Variants in F13A1 observed in about 807,000 individuals in gnomAD.
The protein encoded by F13A1 is coagulation factor XIII A chain.
Under a neutral mutation model 80.1 loss-of-function variants are expected in F13A1, and 47 were observed. The ratio of observed to expected loss-of-function variants is 0.59; its 90% confidence interval spans 0.46 to 0.75. The LOEUF is 0.75. Ranked by LOEUF, F13A1 falls within the 30% of genes least tolerant of loss-of-function variation. The pLI, the probability that F13A1 is intolerant of heterozygous loss-of-function variation, is 0.00. For missense variants in F13A1, 817 were observed against 930.4 expected (o/e 0.88, Z 1.59); for synonymous variants, 349 against 344.9 (o/e 1.01, Z -0.13).
chr6:6,296,852 T>G (rs1314451499), intron 3 of F13A1, among the ~76,000 whole-genome samples: 5 of 148,922 alleles, frequency 3.4e-5, no homozygotes, highest in South Asian at 2.1e-4. Context: ...CTTCCAGTTT[T>G]GGCCCATTCA....
intron 4 of F13A1, among the ~76,000 whole-genome samples, chr6:6,262,639 C>T (rs1471593679): frequency 6.6e-6 from 1 of 152,030 alleles, no homozygotes; most frequent in Non-Finnish European, 1.5e-5. Context: ...TCACATCTTC[C>T]CTATCAAGCG....
chr6:6,196,195 G>C (rs1029910919), intron 9 of F13A1, among the ~76,000 whole-genome samples: 1 of 152,216 alleles, frequency 6.6e-6, no homozygotes, highest in African/African-American at 2.4e-5. Flanking sequence ...TTGTTCAGGT[G>C]GTATCTGAAA....
At chr6:6,277,925 C>T (rs1436755842) in intron 3 of F13A1, among the ~76,000 whole-genome samples, 1 of 152,246 alleles carries the variant, frequency 6.6e-6, no homozygotes, top group Non-Finnish European at 1.5e-5. Context: ...GCATAAATTC[C>T]TGTTCCATCT....
intron 3 of F13A1, among the ~76,000 whole-genome samples, chr6:6,275,212 GA>G (rs1217223612): frequency 1.3e-5 from 2 of 152,096 alleles, no homozygotes; most frequent in African/African-American, 4.8e-5. Flanking sequence ...AAGGTAAGTG[GA>G]GGGGTGCCAG....
intron 6 of F13A1, among the ~76,000 whole-genome samples, chr6:6,247,922 T>C: frequency 6.6e-6 from 1 of 152,216 alleles, no homozygotes; most frequent in East Asian, 1.9e-4. Flanking sequence ...AGTGTGAAAA[T>C]TGAGAAAAGC....
rs1327608370 is a variant in F13A1 at position 6,297,663 on chromosome 6, G to A, written c.319+7688C>T. 1.7e-3 allele frequency among the ~76,000 whole-genome samples: 251 copies of A among 146,006 alleles called. 18 individuals are homozygous for A. The highest frequency in any genetic ancestry group is 6.9e-3 in the Middle Eastern group (2 of 288). On this transcript the variant is annotated intron_variant, in intron 3 of 14. Transcript: ENST00000264870. ...TTTTTTCTTTATTAGTCTTGTTAGC[G>A]GTCTATCAATTTTGTTGATCCTTTC... is the stretch of plus-strand genomic sequence containing the variant.
At chr6:6,289,079 A>G (rs1758175789) in intron 3 of F13A1, among the ~76,000 whole-genome samples, 1 of 152,212 alleles carries the variant, frequency 6.6e-6, no homozygotes, top group African/African-American at 2.4e-5. Context: ...TTATTGTGAG[A>G]ATAAAAAAGT....
chr6:6,285,086 A>C (rs1332000624), intron 3 of F13A1, among the ~76,000 whole-genome samples: 1 of 150,612 alleles, frequency 6.6e-6, no homozygotes, highest in African/African-American at 2.4e-5. Context: ...TCTACTAAAA[A>C]TACAAAAAAT....
rs3024445 is a variant in F13A1 at position 6,174,409 on chromosome 6, A to AAAG, written c.1747+168_1747+170dup. Among the ~76,000 whole-genome samples the AAAG allele has an allele frequency of 0.18, 27,629 of 151,858 alleles. 2,583 individuals carry two copies. Among genetic ancestry groups the AAAG allele is most frequent in the Middle Eastern group, 0.23 (67 of 292 alleles). On this transcript the variant is annotated intron_variant, in intron 12 of 14. Transcript: ENST00000264870. ...CATCTCAAAAAATAAAAATAAAAAA[A>AAAG]AAGAAAGTGGAGGCTTTTGCAGAAT...
intron 3 of F13A1, among the ~76,000 whole-genome samples, chr6:6,287,756 TG>T (rs1758159053): frequency 6.6e-6 from 1 of 152,104 alleles, no homozygotes; most frequent in Non-Finnish European, 1.5e-5. Flanking sequence ...CCACCTACTT[TG>T]AGATTAAACT....
intron 1 of F13A1, among the ~76,000 whole-genome samples, chr6:6,320,369 G>A (rs1758758053): frequency 1.3e-5 from 2 of 152,232 alleles, no homozygotes; most frequent in South Asian, 4.1e-4. Context: ...AACGGCTTCG[G>A]GAGAGCTGCC....
chr6:6,259,227 G>C lies in F13A1; in HGVS notation c.571+7331C>G, dbSNP rs1583098684. Among the ~76,000 whole-genome samples, 3 of 152,120 alleles carry C rather than the reference G, an allele frequency of 2.0e-5. No individual in the cohort carries two copies. In the South Asian group the frequency reaches 6.2e-4, roughly 32 times the overall value. On this transcript the variant is annotated intron_variant, in intron 4 of 14. Coordinates refer to ENST00000264870, the MANE Select transcript of F13A1 (RefSeq NM_000129.4). ...GCCTGAGGGCGTAAATGCTGGTCTG[G>C]GCTCAAGAGTCTCCAAGAGAAGGAA...
At chr6:6,153,917 G>T (rs935182991) in intron 13 of F13A1, among the ~76,000 whole-genome samples, 6 of 152,066 alleles carry the variant, frequency 3.9e-5, no homozygotes, top group African/African-American at 1.4e-4. Flanking sequence ...CAGGATCACT[G>T]GTGCCAGGCA....
chr6:6,224,322 C>A (rs1212705895), intron 7 of F13A1, among the ~76,000 whole-genome samples: 1 of 151,968 alleles, frequency 6.6e-6, no homozygotes, highest in Non-Finnish European at 1.5e-5. Flanking sequence ...CAATATATAT[C>A]TTTTGTTATT....
intron 4 of F13A1, among the ~76,000 whole-genome samples, chr6:6,265,164 T>C (rs1757827376): frequency 6.6e-6 from 1 of 152,236 alleles, no homozygotes; most frequent in African/African-American, 2.4e-5. Flanking sequence ...ATGTTCTAGA[T>C]GAGTAGCAAA....
At chr6:6,261,299 G>A (rs1757777560) in intron 4 of F13A1, among the ~76,000 whole-genome samples, 1 of 152,162 alleles carries the variant, frequency 6.6e-6, no homozygotes, top group Non-Finnish European at 1.5e-5. Flanking sequence ...ATTGCTTATT[G>A]TCTTTCTTTC....
At chr6:6,320,360 A>ACGGCTT (rs1457420978) in intron 1 of F13A1, among the ~76,000 whole-genome samples, 1 of 152,316 alleles carries the variant, frequency 6.6e-6, no homozygotes, top group South Asian at 2.1e-4. Context: ...TAAGCAAGCA[A>ACGGCTT]CGGCTTCGGG....
chr6:6,155,960 TTAAA>T (rs1561944653), intron 13 of F13A1, among the ~76,000 whole-genome samples: 1 of 152,216 alleles, frequency 6.6e-6, no homozygotes, highest in Non-Finnish European at 1.5e-5. Flanking sequence ...TCATAAAACC[TTAAA>T]TAAAGGGAGC....
chr6:6,220,810 A>G (rs1438974731), intron 8 of F13A1, among the ~76,000 whole-genome samples: 2 of 152,154 alleles, frequency 1.3e-5, no homozygotes, highest in African/African-American at 4.8e-5. Flanking sequence ...CCAGCTTACT[A>G]TGGCTCAGCT....
Sources: allele counts gnomAD v4.1 joint callset (sites outside exome capture counted in the v4.1 genomes callset), GRCh38; gene constraint gnomAD v4.1.1; transcripts MANE v1.5; gene names NCBI Gene and HGNC (gene_info 2026-07-23, HGNC 2026-07-21).